DKK2: variants seen among roughly 807,000 people sequenced by gnomAD.
The protein encoded by DKK2 is dickkopf-related protein 2.
DKK2 carries 11 observed loss-of-function variants against 28.1 expected under a neutral mutation model. That is an observed-to-expected ratio of 0.39 (90% CI 0.25 to 0.65). The LOEUF (loss-of-function observed/expected upper bound fraction) is 0.65, where lower values mean the gene tolerates loss of function less well. Ranked by LOEUF, DKK2 falls within the 30% of genes least tolerant of loss-of-function variation. The pLI, the probability that DKK2 is intolerant of heterozygous loss-of-function variation, is 0.47. For missense variants in DKK2, 326 were observed against 335.5 expected (o/e 0.97, Z 0.22); for synonymous variants, 135 against 126.5 (o/e 1.07, Z -0.45).
chr4:106,928,267 A>G (rs2110339614), intron 1 of DKK2, among the ~76,000 whole-genome samples: 1 of 152,284 alleles, frequency 6.6e-6, no homozygotes, highest in Non-Finnish European at 1.5e-5. Context: ...TTTGATCAAA[A>G]ATAGAAAGTA....
At chr4:107,027,973 C>G (rs1381727195) in intron 1 of DKK2, among the ~76,000 whole-genome samples, 1 of 151,842 alleles carries the variant, frequency 6.6e-6, no homozygotes, top group African/African-American at 2.4e-5. Flanking sequence ...AGGATGGTCT[C>G]GATCTCCTGA....
chr4:106,948,311 T>C (rs941854997), intron 1 of DKK2, among the ~76,000 whole-genome samples: 2 of 152,176 alleles, frequency 1.3e-5, no homozygotes, highest in African/African-American at 4.8e-5. Flanking sequence ...AGTAGGTCTG[T>C]GTGGGGCCTG....
chr4:106,939,550 T>C, intron 1 of DKK2, among the ~76,000 whole-genome samples: 1 of 152,148 alleles, frequency 6.6e-6, no homozygotes, highest in African/African-American at 2.4e-5. Context: ...AATTTACAGA[T>C]TCAATGCCAT....
chr4:106,999,934 G>C (rs1241219144), intron 1 of DKK2, among the ~76,000 whole-genome samples: 1 of 152,078 alleles, frequency 6.6e-6, no homozygotes, highest in Non-Finnish European at 1.5e-5. Context: ...GGATTGCTTT[G>C]AAATCTCACT....
chr4:106,972,964 C>T (rs2110354896), intron 1 of DKK2, among the ~76,000 whole-genome samples: 1 of 152,216 alleles, frequency 6.6e-6, no homozygotes, highest in Non-Finnish European at 1.5e-5. Flanking sequence ...TGTTCCACTC[C>T]TACTTATGAG....
At chr4:107,035,226 G>C (rs1410782032) in intron 1 of DKK2, 144 bp downstream of exon 1, 2 of 958,426 alleles carry the variant, frequency 2.1e-6, no homozygotes, top group African/African-American at 3.3e-5. Flanking sequence ...CGCAGACCCT[G>C]TTCGGTGAAT....
intron 1 of DKK2, among the ~76,000 whole-genome samples, chr4:106,992,781 A>G (rs756028539): frequency 2.0e-5 from 3 of 152,162 alleles, no homozygotes; most frequent in Non-Finnish European, 4.4e-5. Flanking sequence ...TCTCTATTTA[A>G]ATATGTGCTC....
chr4:107,028,385 T>C (rs1723825132), intron 1 of DKK2, among the ~76,000 whole-genome samples: 1 of 152,224 alleles, frequency 6.6e-6, no homozygotes, highest in African/African-American at 2.4e-5. Context: ...ACTTTACTTA[T>C]TTCTGTAATG....
At chr4:106,967,139 C>G (rs1722794552) in intron 1 of DKK2, among the ~76,000 whole-genome samples, 1 of 152,068 alleles carries the variant, frequency 6.6e-6, no homozygotes. Flanking sequence ...TATCACAGGC[C>G]AGGCACCATG....
At chr4:106,993,573 T>C (rs1723233020) in intron 1 of DKK2, among the ~76,000 whole-genome samples, 1 of 152,102 alleles carries the variant, frequency 6.6e-6, no homozygotes. Context: ...AGGGGGAATA[T>C]ATATATAAGC....
chr4:107,003,222 T>G (rs1723388017), intron 1 of DKK2, among the ~76,000 whole-genome samples: 2 of 152,218 alleles, frequency 1.3e-5, no homozygotes, highest in Admixed American at 1.3e-4. Context: ...CCTCCCTGTG[T>G]GTGCCAACTA....
At chr4:106,944,038 G>GCTATGAGGT (rs1724741172) in intron 1 of DKK2, among the ~76,000 whole-genome samples, 1 of 151,900 alleles carries the variant, frequency 6.6e-6, no homozygotes, top group Admixed American at 6.6e-5. Context: ...AAGCACCATC[G>GCTATGAGGT]CTATGAGGTG....
intron 3 of DKK2, 168 bp downstream of exon 3, chr4:106,924,377 C>T (rs183122845): frequency 8.1e-7 from 1 of 1,231,308 alleles, no homozygotes; most frequent in Non-Finnish European, 1.1e-6. Context: ...TCACATAAAT[C>T]TATTATGGTC....
chr4:107,028,505 A>G (rs1280765734), intron 1 of DKK2, among the ~76,000 whole-genome samples: 1 of 152,180 alleles, frequency 6.6e-6, no homozygotes, highest in African/African-American at 2.4e-5. Context: ...CAGTAAGTTA[A>G]GTATTATTAC....
chr4:106,991,480 G>A (rs1286605117), intron 1 of DKK2, among the ~76,000 whole-genome samples: 2 of 152,028 alleles, frequency 1.3e-5, no homozygotes, highest in East Asian at 3.9e-4. Context: ...CATCCCATTA[G>A]TCAAGAACCC....
rs771391385 is a variant in DKK2 at position 107,035,629 on chromosome 4, G to A, written c.-38C>T. The A allele has an allele frequency of 4.4e-6, 7 of 1,607,036 alleles. No individual in the cohort carries two copies. In the East Asian group the frequency reaches 6.7e-5, roughly 15 times the overall value. On this transcript the variant is annotated 5_prime_UTR_variant, in exon 1 of 4. Transcript: ENST00000285311. ...GGGTCCCCAGGAAGACGCAAAGCCC[G>A]GAGGGGTGGGAATGCAAAGGGAGGG...
At chr4:106,957,286 C>A (rs1295912163) in intron 1 of DKK2, among the ~76,000 whole-genome samples, 1 of 150,240 alleles carries the variant, frequency 6.7e-6, no homozygotes, top group African/African-American at 2.4e-5. Context: ...GAAATAGGAA[C>A]ACTTTTACAC....
intron 1 of DKK2, among the ~76,000 whole-genome samples, chr4:106,958,874 A>G (rs1578357665): frequency 6.6e-6 from 1 of 151,404 alleles, no homozygotes; most frequent in South Asian, 2.1e-4. Context: ...GAAAGAAAAC[A>G]TAAAAGAAAA....
chr4:107,020,648 A>G (rs1723676946), intron 1 of DKK2, among the ~76,000 whole-genome samples: 1 of 152,144 alleles, frequency 6.6e-6, no homozygotes, highest in South Asian at 2.1e-4. Flanking sequence ...TGATTATTAA[A>G]TACGTTGTAG....
Sources: gnomAD v4.1 joint callset for allele counts (sites outside exome capture counted in the v4.1 genomes callset) on GRCh38, gnomAD v4.1.1 for gene constraint, MANE v1.5 for transcripts, NCBI Gene and HGNC (gene_info 2026-07-23, HGNC 2026-07-21) for gene names.